PCDHA7: variants seen among roughly 807,000 people sequenced by gnomAD.
PCDHA7 encodes the protein protocadherin alpha 7, also known as protocadherin alpha-7.
In PCDHA7, 37 loss-of-function variants were observed where a neutral mutation model predicts 57.2. The ratio of observed to expected loss-of-function variants is 0.65; its 90% CI spans 0.50 to 0.85. The LOEUF is 0.85. Ranked by LOEUF, PCDHA7 falls within the 40% of genes least tolerant of loss-of-function variation. The pLI, the probability that PCDHA7 is intolerant of heterozygous loss-of-function variation, is 0.00. For missense variants in PCDHA7, 1,188 were observed against 1,241.8 expected (o/e 0.96, Z 0.65); for synonymous variants, 553 against 558.8 (o/e 0.99, Z 0.15).
chr5:140,852,046 T>C, intron 1 of PCDHA7: 1 of 917,334 alleles, frequency 1.1e-6, no homozygotes, highest in South Asian at 5.0e-5. Flanking sequence ...TTTTGTTATG[T>C]GGTTTATATT....
chr5:140,837,576 CA>C (rs1310142916), intron 1 of PCDHA7, among the ~76,000 whole-genome samples: 1 of 151,836 alleles, frequency 6.6e-6, no homozygotes, highest in Non-Finnish European at 1.5e-5. Context: ...TTACAATCAC[CA>C]AATTGTAAAT....
chr5:140,967,903 A>G, intron 1 of PCDHA7: 1 of 1,614,112 alleles, frequency 6.2e-7, no homozygotes, highest in African/African-American at 1.3e-5. Context: ...AGAATGCTAC[A>G]CCCAACACCA....
In PCDHA7 at chr5:140,841,863, A is replaced by T. The variant is rs1288637378; in HGVS notation, c.2355+5125A>T. On this transcript the variant is annotated intron_variant, in intron 1 of 3. Transcript: ENST00000525929. ...AGCTCTCATGATTACTTCATGCTAGATGTGAATTCAAAGAACGATGAGAAT... is the reference window on the plus strand; with the variant it reads ...AGCTCTCATGATTACTTCATGCTAGTTGTGAATTCAAAGAACGATGAGAAT... The T allele has an allele frequency of 9.9e-6, 16 of 1,613,706 alleles. No individual in the cohort carries two copies. In the Admixed American group the frequency reaches 2.7e-4, roughly 27 times the overall value.
intron 1 of PCDHA7, among the ~76,000 whole-genome samples, chr5:140,947,620 T>C (rs1554218262): frequency 6.6e-6 from 1 of 151,706 alleles, no homozygotes; most frequent in African/African-American, 2.4e-5. Flanking sequence ...CTTAACAATA[T>C]TGAGTCATCA....
At chr5:140,873,801 C>G (rs2054500183) in intron 1 of PCDHA7, among the ~76,000 whole-genome samples, 1 of 152,180 alleles carries the variant, frequency 6.6e-6, no homozygotes, top group Non-Finnish European at 1.5e-5. Flanking sequence ...GCTGGGACTA[C>G]AGGCATGCAC....
chr5:140,902,767 G>A (rs1038910114), intron 1 of PCDHA7, among the ~76,000 whole-genome samples: 2 of 145,672 alleles, frequency 1.4e-5, no homozygotes, highest in African/African-American at 5.0e-5. Flanking sequence ...TTATGTCTTT[G>A]CATTCTCATA....
intron 3 of PCDHA7, among the ~76,000 whole-genome samples, chr5:140,993,470 ACAC>A: frequency 8.7e-6 from 1 of 115,268 alleles, no homozygotes; most frequent in South Asian, 2.9e-4. Context: ...TCTCACACAC[ACAC>A]ACACACACAC....
At chr5:140,892,236 C>T (rs1490048562) in intron 1 of PCDHA7, among the ~76,000 whole-genome samples, 3 of 152,140 alleles carry the variant, frequency 2.0e-5, no homozygotes, top group African/African-American at 7.2e-5. Context: ...TTTGTCTCCA[C>T]ATAAACCTGG....
chr5:140,906,258 C>T (rs1162219070), intron 1 of PCDHA7, among the ~76,000 whole-genome samples: 4 of 152,180 alleles, frequency 2.6e-5, no homozygotes, highest in African/African-American at 9.7e-5. Flanking sequence ...TACACACCTC[C>T]TGAAATTATA....
At chr5:140,984,790 G>A (rs2097121430) in intron 3 of PCDHA7, among the ~76,000 whole-genome samples, 1 of 152,104 alleles carries the variant, frequency 6.6e-6, no homozygotes, top group Admixed American at 6.5e-5. Flanking sequence ...GGTGAGCATA[G>A]ACAAACTGCC....
intron 3 of PCDHA7, among the ~76,000 whole-genome samples, chr5:141,003,475 G>A (rs934289848): frequency 2.0e-5 from 3 of 151,932 alleles, no homozygotes; most frequent in Non-Finnish European, 2.9e-5. Flanking sequence ...CCACAGTCTC[G>A]CTAATTTTTA....
At chr5:140,929,678 T>C in intron 1 of PCDHA7, 1 of 305,066 alleles carries the variant, frequency 3.3e-6, no homozygotes, top group East Asian at 5.8e-5. Flanking sequence ...ATGAAAAATA[T>C]GTAAGAGTCT....
At chr5:140,965,876 C>T (rs1416182822) in intron 1 of PCDHA7, among the ~76,000 whole-genome samples, 1 of 152,152 alleles carries the variant, frequency 6.6e-6, no homozygotes, top group African/African-American at 2.4e-5. Flanking sequence ...GCCACTTGGC[C>T]GAGAGCAGAA....
chr5:140,856,364 G>A (rs782661319), intron 1 of PCDHA7: 1 of 1,598,600 alleles, frequency 6.3e-7, no homozygotes, highest in Non-Finnish European at 8.6e-7. Context: ...CATCCACCTG[G>A]AGGTGATCGT....
intron 1 of PCDHA7, among the ~76,000 whole-genome samples, chr5:140,918,378 T>C (rs2078665832): frequency 6.6e-6 from 1 of 152,192 alleles, no homozygotes; most frequent in South Asian, 2.1e-4. Flanking sequence ...GGATGCCTTT[T>C]ATTTCTTTCT....
In PCDHA7 at chr5:141,011,694, G is replaced by A. The variant is rs1473857552; in HGVS notation, c.*1757G>A. 1.3e-5 allele frequency: 2 copies of A among 153,662 alleles called. No individual in the cohort carries two copies. Among genetic ancestry groups the A allele is most frequent in the African/African-American group, 4.8e-5 (2 of 41,412 alleles). The allele number at this position is 153,662 out of a possible 1,614,324, so 9.5% of individuals were successfully genotyped here. On this transcript the variant is annotated 3_prime_UTR_variant, in exon 4 of 4. Coordinates refer to ENST00000525929, the MANE Select transcript of PCDHA7 (RefSeq NM_018910.3). The stretch of plus-strand genomic sequence containing the variant: ...CTGTTTTGTTCTAGTAACAATTTTG[G>A]AATGAATACTGACAATATTCCATGA...
rs2150462323 is a variant in PCDHA7 at position 140,849,996 on chromosome 5, G to C, written c.2355+13258G>C. On this transcript the variant is annotated intron_variant, in intron 1 of 3. Transcript: ENST00000525929. ...CTCGCTGGTGGAGCGGCGGTTGGGCGAGCGCTCGCTGTCGAGCTACGTGTC... is the reference window on the plus strand; with the variant it reads ...CTCGCTGGTGGAGCGGCGGTTGGGCCAGCGCTCGCTGTCGAGCTACGTGTC... The C allele has an allele frequency of 0.011, 17,121 of 1,597,124 alleles. 2,348 individuals are homozygous for C. In the African/African-American group the frequency reaches 0.2, roughly 18 times the overall value.
chr5:140,954,091 A>G (rs1055518318), intron 1 of PCDHA7, among the ~76,000 whole-genome samples: 1 of 152,204 alleles, frequency 6.6e-6, no homozygotes, highest in African/African-American at 2.4e-5. Flanking sequence ...AGCTCCATCC[A>G]TGTCCCTGCA....
intron 3 of PCDHA7, 42 bp from the exon 4 acceptor site, chr5:141,009,585 T>C: frequency 6.3e-7 from 1 of 1,592,908 alleles, no homozygotes; most frequent in Non-Finnish European, 8.6e-7. Flanking sequence ...ATCAAGAGCA[T>C]GTGTTGACCC....
Sources: gnomAD v4.1 joint callset for allele counts (sites outside exome capture counted in the v4.1 genomes callset) on GRCh38, gnomAD v4.1.1 for gene constraint, MANE v1.5 for transcripts, NCBI Gene and HGNC (gene_info 2026-07-23, HGNC 2026-07-21) for gene names.